Variants in CROCC2 observed in about 807,000 individuals in gnomAD.
The protein encoded by CROCC2 is ciliary rootlet coiled-coil protein 2.
CROCC2 carries 163 observed loss-of-function variants against 177.6 expected under a neutral mutation model. The ratio of observed to expected loss-of-function variants is 0.92; its 90% CI spans 0.81 to 1.05. CROCC2 has a LOEUF of 1.05. CROCC2 is among the 50% of genes least tolerant of loss of function. The pLI is 0.00. For missense variants in CROCC2, 1,929 were observed against 1,797.8 expected (o/e 1.07, Z -1.32); for synonymous variants, 904 against 787.3 (o/e 1.15, Z -2.48).
intron 7 of CROCC2, among the ~76,000 whole-genome samples, chr2:240,931,844 C>T (rs886169316): frequency 1.3e-5 from 2 of 152,218 alleles, no homozygotes; most frequent in Non-Finnish European, 2.9e-5. Context: ...GGGGGCCCAA[C>T]GGTGCCATAC....
chr2:240,940,062 A>G (rs1466151134), intron 14 of CROCC2, among the ~76,000 whole-genome samples: 1 of 152,128 alleles, frequency 6.6e-6, no homozygotes, highest in East Asian at 1.9e-4. Context: ...TAAATCTTCT[A>G]AGTCCTTACT....
At chr2:240,942,390 C>A (rs1164615247) in intron 14 of CROCC2, among the ~76,000 whole-genome samples, 1 of 152,114 alleles carries the variant, frequency 6.6e-6, no homozygotes, top group African/African-American at 2.4e-5. Flanking sequence ...AATTACAATA[C>A]TTTTTGGGTC....
At chr2:240,913,450 G>A (rs1348675994) in intron 1 of CROCC2, among the ~76,000 whole-genome samples, 3 of 152,206 alleles carry the variant, frequency 2.0e-5, no homozygotes, top group East Asian at 3.9e-4. Flanking sequence ...TTGGTGATTC[G>A]GACCTGAGGC....
At chr2:240,975,877 C>A (rs984959558) in intron 27 of CROCC2, among the ~76,000 whole-genome samples, 2 of 151,862 alleles carry the variant, frequency 1.3e-5, no homozygotes, top group African/African-American at 4.8e-5. Context: ...TTACAGGCGC[C>A]CGCCACCACG....
At chr2:240,971,475 A>G (rs1448953605) in intron 27 of CROCC2, among the ~76,000 whole-genome samples, 1 of 151,968 alleles carries the variant, frequency 6.6e-6, no homozygotes, top group East Asian at 1.9e-4. Flanking sequence ...TTTGCCTCTG[A>G]CCTTGAGTTC....
At chr2:240,959,992 C>T (rs977981675) in intron 20 of CROCC2, among the ~76,000 whole-genome samples, 6 of 152,242 alleles carry the variant, frequency 3.9e-5, no homozygotes, top group South Asian at 2.1e-4. Context: ...GCCAGAGCCA[C>T]GCAGCCAAAG....
intron 27 of CROCC2, among the ~76,000 whole-genome samples, chr2:240,968,610 T>C (rs2059701078): frequency 6.6e-6 from 1 of 152,226 alleles, no homozygotes; most frequent in Admixed American, 6.5e-5. Flanking sequence ...TTCTTCTTGC[T>C]GAGGCCACAG....
intron 28 of CROCC2, 90 bp from the exon 29 acceptor site, chr2:240,988,649 C>G: frequency 8.0e-7 from 1 of 1,255,602 alleles, no homozygotes; most frequent in Non-Finnish European, 1.0e-6. Flanking sequence ...GAGTCCTTCC[C>G]AGAGGCAACC....
chr2:240,942,482 C>G (rs923242357), intron 14 of CROCC2, among the ~76,000 whole-genome samples: 1 of 152,002 alleles, frequency 6.6e-6, no homozygotes, highest in African/African-American at 2.4e-5. Context: ...GTAGTTTGGC[C>G]TTGTCTCCTA....
At position 240,965,510 on chromosome 2, in the gene CROCC2, C is replaced by G. The variant is rs766416180; in HGVS notation, c.3595C>G (p.Arg1199Gly). 6.5e-7 allele frequency: 1 copy of G among 1,550,204 alleles called. No homozygotes were observed. Among genetic ancestry groups the G allele is most frequent in the South Asian group, 1.2e-5 (1 of 84,034 alleles). Residue 1199 changes from arginine to glycine, a missense_variant, in exon 23 of 32, where the codon CGG becomes GGG. Physicochemically the swap from Arg to Gly is moderately radical, Grantham distance 125 (BLOSUM62 -2). This residue lies in a region of CROCC2 where 144 missense variants were observed against 205.2 expected (regional missense o/e 0.70). Coordinates refer to ENST00000690015, the MANE Select transcript of CROCC2 (RefSeq NM_001351305.2). ...GGCAGAGGCCAAGCACGAGGGTGCC[C>G]GGAAGGAGGTGGGAGGGCTGCCTGT... ...AKAEAKHEGA[R>G]KEVLGLQRKL... is the part of the protein sequence containing the mutation.
At chr2:240,987,231 A>G (rs914736732) in intron 28 of CROCC2, among the ~76,000 whole-genome samples, 3 of 152,178 alleles carry the variant, frequency 2.0e-5, no homozygotes, top group Non-Finnish European at 2.9e-5. Context: ...CTGTGGGCAC[A>G]GTGCCCACCG....
intron 21 of CROCC2, chr2:240,964,071 G>A: frequency 1.8e-6 from 1 of 556,232 alleles, no homozygotes; most frequent in Non-Finnish European, 3.2e-6. Flanking sequence ...GAGCTGGGGA[G>A]CAGAGGGAGG....
chr2:240,992,164 G>A (rs1403083742), intron 31 of CROCC2, among the ~76,000 whole-genome samples: 3 of 152,172 alleles, frequency 2.0e-5, no homozygotes, highest in Non-Finnish European at 2.9e-5. Context: ...TGCACCCCTC[G>A]TCTCCATCAC....
intron 27 of CROCC2, 91 bp downstream of exon 27, chr2:240,968,353 G>A: frequency 1.7e-5 from 23 of 1,393,926 alleles, no homozygotes; most frequent in Non-Finnish European, 2.2e-5. Flanking sequence ...CACAGGGCCG[G>A]GAGGTGGGAG....
chr2:240,923,004 C>T (rs1249722584), intron 4 of CROCC2, among the ~76,000 whole-genome samples: 7 of 152,078 alleles, frequency 4.6e-5, no homozygotes, highest in Non-Finnish European at 1.0e-4. Context: ...CCTCTGAGAG[C>T]GGCTCAGCAG....
chr2:240,993,032 C>T (rs763475292), intron 31 of CROCC2, 34 bp from the exon 32 acceptor site: 29 of 715,392 alleles, frequency 4.1e-5, no homozygotes, highest in South Asian at 3.6e-4. Context: ...CCCGGGAATG[C>T]GGTGTCCACG....
At chr2:240,929,107 C>T (rs2059411908) in intron 5 of CROCC2, among the ~76,000 whole-genome samples, 1 of 152,010 alleles carries the variant, frequency 6.6e-6, no homozygotes, top group Admixed American at 6.5e-5. Context: ...GGGTGTATGG[C>T]CAGGTGTTAT....
In CROCC2 at chr2:240,965,401, G is replaced by C; in HGVS notation, c.3486G>C (p.Glu1162Asp). ...CCCAGGTGAGGACACTGAAGGCCGA[G>C]AACCAGAGGAGGAGTGGAGAGGCCC... ...LHRQVRTLKAENQRRSGEAHE... is the reference protein window; with the variant it reads ...LHRQVRTLKADNQRRSGEAHE... The change falls in exon 23 of 32, where the codon GAG becomes GAC. Residue 1162 changes from glutamate to aspartate, a missense_variant. Coordinates refer to ENST00000690015, the MANE Select transcript of CROCC2 (RefSeq NM_001351305.2). 6.5e-7 allele frequency: 1 copy of C among 1,549,604 alleles called. No homozygotes were observed. Among genetic ancestry groups the C allele is most frequent in the Non-Finnish European group, 8.7e-7 (1 of 1,146,910 alleles).
intron 5 of CROCC2, among the ~76,000 whole-genome samples, chr2:240,929,284 G>A (rs767607107): frequency 3.3e-5 from 5 of 152,170 alleles, no homozygotes; most frequent in Non-Finnish European, 5.9e-5. Context: ...CGGGCAGGAT[G>A]TGAGTGCTCT....
Sources: allele counts gnomAD v4.1 joint callset (sites outside exome capture counted in the v4.1 genomes callset), GRCh38; gene constraint gnomAD v4.1.1; regional missense constraint gnomAD v4.1.1; transcripts MANE v1.5; gene names NCBI Gene and HGNC (gene_info 2026-07-23, HGNC 2026-07-21).